The following SHTN1 variants were observed in gnomAD, a reference collection of about 807,000 sequenced individuals.
SHTN1 encodes shootin 1, also known as shootin-1.
SHTN1 carries 42 observed loss-of-function variants against 83.1 expected under a neutral mutation model. The observed-to-expected ratio is 0.51, with a 90% CI of 0.39 to 0.65. The LOEUF (loss-of-function observed/expected upper bound fraction) is 0.65, where lower values mean the gene tolerates loss of function less well. Among genes scored for constraint, SHTN1 ranks in the 30% least tolerant of loss-of-function variants. The pLI, the probability that SHTN1 is intolerant of heterozygous loss-of-function variation, is 0.00. For missense variants in SHTN1, 622 were observed against 737.8 expected (o/e 0.84, Z 1.82); for synonymous variants, 224 against 247.7 (o/e 0.90, Z 0.90).
intron 16 of SHTN1, chr10:116,901,546 G>T (rs1847736755): frequency 1.0e-6 from 1 of 985,180 alleles, no homozygotes; most frequent in Non-Finnish European, 1.2e-6. Context: ...CAGTTTAGGG[G>T]AAGTAATTCT....
At chr10:116,894,150 T>C (rs1847434176) in intron 16 of SHTN1, among the ~76,000 whole-genome samples, 1 of 152,180 alleles carries the variant, frequency 6.6e-6, no homozygotes, top group African/African-American at 2.4e-5. Context: ...AAATTTATCT[T>C]TTGTCAACTA....
At chr10:116,973,368 C>T (rs1850685371) in intron 2 of SHTN1, among the ~76,000 whole-genome samples, 1 of 152,180 alleles carries the variant, frequency 6.6e-6, no homozygotes, top group Admixed American at 6.5e-5. Context: ...TGCATATATG[C>T]ACTGCATATG....
At chr10:117,096,906 T>G (rs1249196338) in intron 1 of SHTN1, among the ~76,000 whole-genome samples, 1 of 152,168 alleles carries the variant, frequency 6.6e-6, no homozygotes, top group Non-Finnish European at 1.5e-5. Context: ...CATTTTAATT[T>G]CAGGAATTAA....
chr10:117,052,546 A>T (rs1267842059), intron 1 of SHTN1, among the ~76,000 whole-genome samples: 3 of 152,176 alleles, frequency 2.0e-5, no homozygotes, highest in African/African-American at 7.2e-5. Flanking sequence ...AGCTACAGTA[A>T]GAAAAAAAAT....
At chr10:116,959,698 CATAA>C (rs1850110722) in intron 4 of SHTN1, among the ~76,000 whole-genome samples, 1 of 152,220 alleles carries the variant, frequency 6.6e-6, no homozygotes. Flanking sequence ...GCTTTGCTTT[CATAA>C]ATAATCACCT....
chr10:117,097,470 G>A (rs1853520625), intron 1 of SHTN1, among the ~76,000 whole-genome samples: 1 of 152,208 alleles, frequency 6.6e-6, no homozygotes, highest in African/African-American at 2.4e-5. Flanking sequence ...TCCATACTAT[G>A]TGCCAATTTA....
chr10:116,920,402 T>C (rs1486122673), intron 12 of SHTN1, among the ~76,000 whole-genome samples: 1 of 152,160 alleles, frequency 6.6e-6, no homozygotes, highest in Non-Finnish European at 1.5e-5. Flanking sequence ...CATCTCATCA[T>C]TGTCCTGTAT....
At chr10:116,890,262 C>T (rs1308921038) in intron 16 of SHTN1, among the ~76,000 whole-genome samples, 1 of 152,200 alleles carries the variant, frequency 6.6e-6, no homozygotes, top group Non-Finnish European at 1.5e-5. Context: ...CTGTCTCCTG[C>T]ATGCCACAAA....
chr10:117,112,760 T>G (rs1853786592), intron 1 of SHTN1, among the ~76,000 whole-genome samples: 1 of 152,198 alleles, frequency 6.6e-6, no homozygotes, highest in African/African-American at 2.4e-5. Flanking sequence ...CCTAACTCCC[T>G]TCATCCTTAG....
intron 1 of SHTN1, among the ~76,000 whole-genome samples, chr10:117,073,491 C>T (rs1853113325): frequency 6.6e-6 from 1 of 152,190 alleles, no homozygotes; most frequent in Admixed American, 6.5e-5. Context: ...AGCCACTTAA[C>T]TACCATATTA....
intron 1 of SHTN1, among the ~76,000 whole-genome samples, chr10:117,060,458 T>A (rs1852883277): frequency 6.6e-6 from 1 of 152,206 alleles, no homozygotes; most frequent in Admixed American, 6.5e-5. Context: ...GAGAACCGCT[T>A]CTCTCCCTTA....
Position 116,882,633 on chromosome 10 carries a change from A to G in SHTN1, c.*3711T>C, listed in dbSNP as rs944246946. On this transcript the variant is annotated 3_prime_UTR_variant, in exon 17 of 17. Coordinates refer to ENST00000355371, the MANE Select transcript of SHTN1 (RefSeq NM_001127211.3). ...GTACTGACCTGTAGGGGAGTTGGCTAAGTTTAGACTTCTGACAAATTCTAT... is the reference window on the plus strand; with the variant it reads ...GTACTGACCTGTAGGGGAGTTGGCTGAGTTTAGACTTCTGACAAATTCTAT... The G allele has an allele frequency of 6.6e-6, 1 of 152,202 alleles. No homozygotes were observed. The highest frequency in any genetic ancestry group is 2.4e-5 in the African/African-American group (1 of 41,464). The allele number at this position is 152,202 out of a possible 1,614,324, so 9.4% of individuals were successfully genotyped here. A position where few individuals can be genotyped will look rare whatever the true frequency, so the allele number is the denominator to read the frequency against.
At chr10:116,919,084 AT>A (rs1342627540) in intron 12 of SHTN1, among the ~76,000 whole-genome samples, 1 of 152,234 alleles carries the variant, frequency 6.6e-6, no homozygotes, top group Non-Finnish European at 1.5e-5. Context: ...CCATCATAAG[AT>A]GCTAACCTAA....
chr10:117,082,616 G>C (rs1193808743), intron 1 of SHTN1, among the ~76,000 whole-genome samples: 1 of 151,856 alleles, frequency 6.6e-6, no homozygotes, highest in Non-Finnish European at 1.5e-5. Context: ...TCATTGATCT[G>C]TCTAATGTTG....
At chr10:116,897,092 A>G (rs936444731) in intron 16 of SHTN1, among the ~76,000 whole-genome samples, 1 of 152,094 alleles carries the variant, frequency 6.6e-6, no homozygotes, top group Non-Finnish European at 1.5e-5. Context: ...CTGGGATTAT[A>G]GGCGTAAGCC....
At chr10:117,091,137 A>G (rs185021729) in intron 1 of SHTN1, among the ~76,000 whole-genome samples, 3 of 152,306 alleles carry the variant, frequency 2.0e-5, no homozygotes, top group East Asian at 1.9e-4. Context: ...GAAAAAGTCC[A>G]CCATTACTCT....
chr10:117,051,032 G>C (rs958254580), intron 1 of SHTN1, among the ~76,000 whole-genome samples: 12 of 152,162 alleles, frequency 7.9e-5, no homozygotes, highest in Non-Finnish European at 1.0e-4. Flanking sequence ...ACTACAGTCT[G>C]GGTGACAGAG....
intron 4 of SHTN1, among the ~76,000 whole-genome samples, chr10:116,956,925 GT>G (rs1276023045): frequency 3.3e-5 from 5 of 151,538 alleles, no homozygotes; most frequent in Admixed American, 6.6e-5. Context: ...TTTTTGTTTT[GT>G]TTTTTTGGAG....
At chr10:116,973,909 G>C (rs1204178850) in intron 2 of SHTN1, 1 of 1,283,888 alleles carries the variant, frequency 7.8e-7, no homozygotes, top group African/African-American at 1.5e-5. Flanking sequence ...ATTTTTAATA[G>C]TAGTCGACAA....
Sources: allele counts gnomAD v4.1 joint callset (sites outside exome capture counted in the v4.1 genomes callset), GRCh38; gene constraint gnomAD v4.1.1; transcripts MANE v1.5; gene names NCBI Gene and HGNC (gene_info 2026-07-23, HGNC 2026-07-21).